C2: variants seen among roughly 807,000 people sequenced by gnomAD.
C2 encodes complement C2, also known as C3/C5 convertase.
A neutral mutation model predicts 85.2 loss-of-function variants in C2; 64 were observed. The ratio of observed to expected loss-of-function variants is 0.75; its 90% CI spans 0.61 to 0.92. The LOEUF is 0.92. Ranked by LOEUF, C2 falls within the 40% of genes least tolerant of loss-of-function variation. C2 has a pLI of 0.00. For missense variants in C2, 820 were observed against 971.6 expected, an observed-to-expected ratio of 0.84 and a Z score of 2.07; for synonymous variants, 311 against 370.8, an observed-to-expected ratio of 0.84 and a Z score of 1.85.
At chr6:31,917,495 A>G (rs1768622754), upstream of C2, among the ~76,000 whole-genome samples, 1 of 152,130 alleles carries the variant, frequency 6.6e-6, no homozygotes, top group African/African-American at 2.4e-5. Context: ...GGAGAGAGGG[A>G]GGGAGTGTGG....
At chr6:31,923,771 A>G (rs1305766196), upstream of C2, among the ~76,000 whole-genome samples, 133 of 123,174 alleles carry the variant, frequency 1.1e-3, no homozygotes, top group Middle Eastern at 0.023. Flanking sequence ...TTACAGGCGT[A>G]AGCCACCGCA....
At chr6:31,900,555 C>A (rs747666831), upstream of C2, 4 of 1,611,946 alleles carry the variant, frequency 2.5e-6, no homozygotes, top group Non-Finnish European at 8.5e-7. The surrounding 1 kb of genome is among the most constrained non-coding windows in gnomAD (Gnocchi z 9.7). Context: ...CTGGGGGGAA[C>A]GCTGCTCTGG....
At chr6:31,931,262 C>CTTTTT (rs748883719) in intron 3 of C2, among the ~76,000 whole-genome samples, 6 of 111,434 alleles carry the variant, frequency 5.4e-5, no homozygotes, top group African/African-American at 6.7e-5. Context: ...TAGGAACATT[C>CTTTTT]TTTTTTTTTT....
chr6:31,940,213 A>G (rs1770770864), intron 9 of C2, among the ~76,000 whole-genome samples: 1 of 152,242 alleles, frequency 6.6e-6, no homozygotes, highest in African/African-American at 2.4e-5. Context: ...CCCAGCTCAC[A>G]AGCTGACAGG....
At chr6:31,902,277 C>T (rs1767396209) in intron 1 of C2, among the ~76,000 whole-genome samples, 1 of 151,848 alleles carries the variant, frequency 6.6e-6, no homozygotes, top group Non-Finnish European at 1.5e-5. Flanking sequence ...AGCCCCGCGG[C>T]CAGTTTGCGC....
At chr6:31,933,374 C>T (rs937003662) in intron 3 of C2, among the ~76,000 whole-genome samples, 1 of 152,148 alleles carries the variant, frequency 6.6e-6, no homozygotes, top group African/African-American at 2.4e-5. Context: ...CAGTGTTAGC[C>T]GTTTTGATGG....
intron 9 of C2, among the ~76,000 whole-genome samples, chr6:31,940,075 T>C (rs1770762121): frequency 6.6e-6 from 1 of 152,206 alleles, no homozygotes; most frequent in Non-Finnish European, 1.5e-5. Flanking sequence ...CCACTGTGCC[T>C]GGCCAATTTT....
At chr6:31,933,131 G>C (rs114820183) in intron 3 of C2, among the ~76,000 whole-genome samples, 4,916 of 151,862 alleles carry the variant, frequency 0.032, 101 homozygotes, top group South Asian at 0.053. Flanking sequence ...GGAGACCATG[G>C]GGAGAGGGTG....
chr6:31,902,391 C>G (rs1320670065), intron 1 of C2, among the ~76,000 whole-genome samples: 3 of 151,496 alleles, frequency 2.0e-5, no homozygotes, highest in Admixed American at 6.6e-5. Flanking sequence ...CCGCCCGCGC[C>G]GCATCCCGCA....
chr6:31,940,913 G>A (rs150867815), intron 9 of C2, among the ~76,000 whole-genome samples: 4 of 152,270 alleles, frequency 2.6e-5, no homozygotes, highest in South Asian at 2.1e-4. Flanking sequence ...CACACAACGC[G>A]GGGCTCTCTG....
intron 1 of C2, among the ~76,000 whole-genome samples, chr6:31,906,982 C>CA (rs981303349): frequency 2.0e-5 from 3 of 150,146 alleles, no homozygotes; most frequent in Non-Finnish European, 4.4e-5. Flanking sequence ...ACTGAAAATG[C>CA]AAAAAAAATT....
upstream of C2, among the ~76,000 whole-genome samples, chr6:31,915,879 G>C (rs963817425): frequency 6.6e-6 from 1 of 152,226 alleles, no homozygotes; most frequent in African/African-American, 2.4e-5. Flanking sequence ...AATTCATGAA[G>C]AGCCTCAATG....
rs556170728 is a variant in C2, at chr6:31,910,146, T to G, written c.73+9007T>G. 3.3e-5 allele frequency among the ~76,000 whole-genome samples: 5 copies of G among 151,934 alleles called. No homozygotes were observed. The South Asian group carries it at 1.0e-3, about 32-fold the overall frequency. On this transcript the variant is annotated intron_variant, in intron 1 of 3. Coordinates refer to the C2 transcript ENST00000452202. Reference sequence around the variant, plus strand: ...CGCCCACCTCAGCCTCCCAAAGTGCTGGGATTACAGACGTGAGCCACCGCG... The same window carrying G: ...CGCCCACCTCAGCCTCCCAAAGTGCGGGGATTACAGACGTGAGCCACCGCG...
At chr6:31,922,855 C>A (rs1425032672), upstream of C2, among the ~76,000 whole-genome samples, 4 of 151,826 alleles carry the variant, frequency 2.6e-5, no homozygotes, top group Non-Finnish European at 4.4e-5. This position sits in a 1 kb window ranked among gnomAD's most constrained non-coding sequence, Gnocchi z 4.8. Context: ...AACAAAAAAC[C>A]AAAAAAACCA....
chr6:31,902,572 G>A (rs1767433956), intron 1 of C2, among the ~76,000 whole-genome samples: 1 of 152,282 alleles, frequency 6.6e-6, no homozygotes, highest in Non-Finnish European at 1.5e-5. Flanking sequence ...ACCCACGCCT[G>A]CCTCCTCTGC....
Position 31,902,795 on chromosome 6 carries a change from C to T in C2, c.73+1656C>T, listed in dbSNP as rs545169357. On this transcript the variant is annotated intron_variant, in intron 1 of 3. Coordinates refer to the C2 transcript ENST00000452202. ...CTCAGGATTGATCCCAACTTCTTGC[C>T]AAGGCAGTCGCCCTCCGCTTGTGCT... 3.9e-5 allele frequency among the ~76,000 whole-genome samples: 6 copies of T among 152,280 alleles called. No individual in the cohort carries two copies. In the South Asian group the frequency reaches 1.2e-3, roughly 32 times the overall value.
At chr6:31,924,557 T>C (rs756665206), upstream of C2, among the ~76,000 whole-genome samples, 21 of 152,174 alleles carry the variant, frequency 1.4e-4, no homozygotes, top group Admixed American at 5.2e-4. Context: ...TTGGGAGTTT[T>C]ATTACTTAAG....
At chr6:31,899,163 T>C (rs1766971560), upstream of C2, among the ~76,000 whole-genome samples, 1 of 130,702 alleles carries the variant, frequency 7.7e-6, no homozygotes, top group Non-Finnish European at 1.6e-5. Flanking sequence ...AAAAAATATG[T>C]TTTTTCTTAA....
At chr6:31,929,874 A>C (rs1314796217) in intron 3 of C2, among the ~76,000 whole-genome samples, 1 of 149,830 alleles carries the variant, frequency 6.7e-6, no homozygotes, top group Non-Finnish European at 1.5e-5. Flanking sequence ...AAATACAAAA[A>C]TTAGCTGGGC....
Sources: gnomAD v4.1 joint callset for allele counts (sites outside exome capture counted in the v4.1 genomes callset) on GRCh38, gnomAD v4.1.1 for gene constraint, Gnocchi (gnomAD v3.1) non-coding constraint, MANE v1.5 for transcripts, NCBI Gene and HGNC (gene_info 2026-07-23, HGNC 2026-07-21) for gene names.